The following HYAL4 variants were observed in gnomAD, a reference collection of about 807,000 sequenced individuals.
The protein encoded by HYAL4 is hyaluronidase 4.
In HYAL4, 37 loss-of-function variants were observed where a neutral mutation model predicts 35.2. The observed-to-expected ratio is 1.05, with a 90% CI of 0.81 to 1.38. HYAL4 has a LOEUF of 1.38. Ranked by LOEUF, HYAL4 falls within the 40% of genes most tolerant of loss-of-function variation. The pLI is 0.00. For synonymous variants in HYAL4, 198 were observed against 203.2 expected (o/e 0.97, Z 0.22); for missense variants, 572 against 572.4 (o/e 1.00, Z 0.01).
upstream of HYAL4, among the ~76,000 whole-genome samples, chr7:123,824,741 A>C (rs1805776885): frequency 6.6e-6 from 1 of 152,048 alleles, no homozygotes; most frequent in Non-Finnish European, 1.5e-5. Flanking sequence ...ACCTGTGTAA[A>C]ATCCACTTGG....
chr7:123,779,150 A>C, the HYAL4 span, among the ~76,000 whole-genome samples: 1 of 152,210 alleles, frequency 6.6e-6, no homozygotes, highest in African/African-American at 2.4e-5. Context: ...AAATGAATTA[A>C]TAAAGATTTT....
At chr7:123,862,000 G>A (rs1016602515) in intron 2 of HYAL4, among the ~76,000 whole-genome samples, 4 of 152,008 alleles carry the variant, frequency 2.6e-5, no homozygotes, top group African/African-American at 7.2e-5. Context: ...TTTTCTGCTG[G>A]AATACTAAAG....
chr7:123,813,216 ATTCCT>A, the HYAL4 span, among the ~76,000 whole-genome samples: 1 of 152,128 alleles, frequency 6.6e-6, no homozygotes, highest in African/African-American at 2.4e-5. Flanking sequence ...TTTAAAATAA[ATTCCT>A]TTATTTAAAA....
chr7:123,851,185 T>A (rs565387729), intron 2 of HYAL4, among the ~76,000 whole-genome samples: 3 of 152,240 alleles, frequency 2.0e-5, no homozygotes, highest in South Asian at 4.1e-4. Flanking sequence ...TATTTAATGA[T>A]CTTTTAAAAA....
chr7:123,832,149 C>G (rs1420611645), intron 1 of HYAL4, among the ~76,000 whole-genome samples: 1 of 152,052 alleles, frequency 6.6e-6, no homozygotes, highest in African/African-American at 2.4e-5. Flanking sequence ...ACTGGTTCTG[C>G]TGTGTTGAAA....
chr7:123,812,694 G>A, the HYAL4 span, among the ~76,000 whole-genome samples: 1,871 of 152,084 alleles, frequency 0.012, 34 homozygotes, highest in African/African-American at 0.043. Context: ...CAGTTTATTA[G>A]GCATATATAT....
At chr7:123,787,314 T>A in the HYAL4 span, among the ~76,000 whole-genome samples, 2 of 150,258 alleles carry the variant, frequency 1.3e-5, no homozygotes, top group Non-Finnish European at 3.0e-5. Context: ...CATTTTAAAT[T>A]TTTTTTTTTT....
the HYAL4 span, among the ~76,000 whole-genome samples, chr7:123,823,301 C>T: frequency 6.6e-6 from 1 of 152,166 alleles, no homozygotes; most frequent in South Asian, 2.1e-4. Flanking sequence ...GGAATAAATC[C>T]TACTTGATCA....
At chr7:123,779,836 CTT>C in the HYAL4 span, among the ~76,000 whole-genome samples, 1 of 152,048 alleles carries the variant, frequency 6.6e-6, no homozygotes, top group African/African-American at 2.4e-5. Context: ...TCTTGGCTGA[CTT>C]TTAAAATATG....
chr7:123,790,457 G>A, the HYAL4 span: 1 of 151,910 alleles, frequency 6.6e-6, no homozygotes, highest in Non-Finnish European at 1.5e-5. Flanking sequence ...TGTTCTTTCT[G>A]TTGTGCCATC....
At chr7:123,862,651 T>C (rs1182271377) in intron 2 of HYAL4, among the ~76,000 whole-genome samples, 2 of 152,130 alleles carry the variant, frequency 1.3e-5, no homozygotes, top group African/African-American at 4.8e-5. Context: ...ATCCTTTTCC[T>C]TTGTGGTGAT....
chr7:123,843,195 T>G (rs1263541176), upstream of HYAL4, among the ~76,000 whole-genome samples: 1 of 152,048 alleles, frequency 6.6e-6, no homozygotes, highest in African/African-American at 2.4e-5. Context: ...GCAGGCCTGG[T>G]CCTGACAAAA....
chr7:123,783,074 A>G, the HYAL4 span, among the ~76,000 whole-genome samples: 1 of 152,112 alleles, frequency 6.6e-6, no homozygotes, highest in East Asian at 1.9e-4. Flanking sequence ...TCTAAAGTGT[A>G]GCATTGATAT....
the HYAL4 span, among the ~76,000 whole-genome samples, chr7:123,792,248 T>C: frequency 5.9e-5 from 9 of 152,370 alleles, 1 homozygote; most frequent in African/African-American, 2.2e-4. Flanking sequence ...TAGTTTGCTT[T>C]TTATCATTAT....
chr7:123,824,546 A>C (rs1304582585), upstream of HYAL4, among the ~76,000 whole-genome samples: 1 of 152,030 alleles, frequency 6.6e-6, no homozygotes, highest in African/African-American at 2.4e-5. Context: ...ATTTGGTTAC[A>C]GGAAACCCCC....
the HYAL4 span, among the ~76,000 whole-genome samples, chr7:123,818,977 T>C: frequency 6.6e-6 from 1 of 152,196 alleles, no homozygotes; most frequent in Non-Finnish European, 1.5e-5. Context: ...TTTTCAAGAA[T>C]ACAATATGTT....
At chr7:123,829,822 C>T (rs1805853387) in intron 1 of HYAL4, among the ~76,000 whole-genome samples, 1 of 152,042 alleles carries the variant, frequency 6.6e-6, no homozygotes, top group Non-Finnish European at 1.5e-5. Context: ...CAAAGTGAGA[C>T]CCCGTCTCAA....
At chr7:123,772,552 A>G in the HYAL4 span, among the ~76,000 whole-genome samples, 1 of 152,296 alleles carries the variant, frequency 6.6e-6, no homozygotes, top group East Asian at 1.9e-4. Flanking sequence ...CGTGGAGACT[A>G]AAGTTAAAAT....
chr7:123,860,868 A>T (rs1252428412), intron 2 of HYAL4, among the ~76,000 whole-genome samples: 1 of 152,178 alleles, frequency 6.6e-6, no homozygotes, highest in Admixed American at 6.5e-5. Context: ...ACCTTGCTCA[A>T]ATTTCTTATC....
Sources: allele counts gnomAD v4.1 joint callset (sites outside exome capture counted in the v4.1 genomes callset), GRCh38; gene constraint gnomAD v4.1.1; transcripts MANE v1.5; gene names NCBI Gene and HGNC (gene_info 2026-07-23, HGNC 2026-07-21).